The following LRRTM4 variants were observed in gnomAD, a reference collection of about 807,000 sequenced individuals.
LRRTM4 encodes the protein leucine-rich repeat transmembrane neuronal protein 4.
Under a neutral mutation model 47.6 loss-of-function variants are expected in LRRTM4, and 25 were observed. The ratio of observed to expected loss-of-function variants is 0.53; its 90% CI spans 0.38 to 0.73. The LOEUF (loss-of-function observed/expected upper bound fraction) is 0.73, where lower values mean the gene tolerates loss of function less well. Among genes scored for constraint, LRRTM4 ranks in the 30% least tolerant of loss-of-function variants. The probability of loss-of-function intolerance (pLI) is 0.00; values close to 1 mark genes in which losing one functional copy is unlikely to be tolerated. For synonymous variants in LRRTM4, 311 were observed against 269.5 expected (o/e 1.15, Z -1.51); for missense variants, 638 against 713.4 (o/e 0.89, Z 1.20).
chr2:77,280,945 C>T (rs1396794837), intron 3 of LRRTM4, among the ~76,000 whole-genome samples: 1 of 151,790 alleles, frequency 6.6e-6, no homozygotes, highest in Non-Finnish European at 1.5e-5. Flanking sequence ...TAAATCCATC[C>T]CCTGTCTGTA....
At chr2:76,985,666 C>T (rs1392390381) in intron 3 of LRRTM4, among the ~76,000 whole-genome samples, 10 of 151,930 alleles carry the variant, frequency 6.6e-5, no homozygotes, top group Non-Finnish European at 7.4e-5. Flanking sequence ...AAGTTAGAGG[C>T]TTCTGACTAA....
chr2:77,029,638 C>A (rs539823788), intron 3 of LRRTM4, among the ~76,000 whole-genome samples: 1 of 151,978 alleles, frequency 6.6e-6, no homozygotes, highest in African/African-American at 2.4e-5. Flanking sequence ...AGATGAATGT[C>A]AGAAATGAAA....
At chr2:77,352,614 T>C (rs1277976221) in intron 3 of LRRTM4, among the ~76,000 whole-genome samples, 1 of 152,110 alleles carries the variant, frequency 6.6e-6, no homozygotes, top group Non-Finnish European at 1.5e-5. Flanking sequence ...ACCTATATTT[T>C]AATGTGAGTT....
intron 3 of LRRTM4, among the ~76,000 whole-genome samples, chr2:76,752,429 C>T (rs1672881258): frequency 6.6e-6 from 1 of 152,136 alleles, no homozygotes; most frequent in Admixed American, 6.6e-5. Flanking sequence ...TTTGCTATTA[C>T]AATTGCAGTT....
chr2:76,998,763 T>C (rs990340217), intron 3 of LRRTM4, among the ~76,000 whole-genome samples: 13 of 144,862 alleles, frequency 9.0e-5, no homozygotes, highest in African/African-American at 3.4e-4. Flanking sequence ...TTCCTCTATA[T>C]TTTCTGTTTT....
At chr2:77,436,159 C>T (rs886448205) in intron 3 of LRRTM4, among the ~76,000 whole-genome samples, 14 of 152,072 alleles carry the variant, frequency 9.2e-5, no homozygotes, top group African/African-American at 3.1e-4. Context: ...ATTGATAAAA[C>T]ATGCTGCATA....
intron 3 of LRRTM4, among the ~76,000 whole-genome samples, chr2:77,408,154 A>G (rs1674284112): frequency 6.6e-6 from 1 of 152,152 alleles, no homozygotes; most frequent in Non-Finnish European, 1.5e-5. Flanking sequence ...TGGCACAGAT[A>G]CTTTCCATTC....
chr2:77,521,938 C>G (rs1216347223), intron 1 of LRRTM4, 120 bp from the exon 2 acceptor site: 3 of 532,874 alleles, frequency 5.6e-6, no homozygotes, highest in Non-Finnish European at 1.0e-5. Context: ...AAAAGGAAGC[C>G]GTTGGGGGGA....
chr2:76,887,590 TATA>T (rs888227830), intron 3 of LRRTM4, among the ~76,000 whole-genome samples: 2 of 148,482 alleles, frequency 1.3e-5, no homozygotes, highest in African/African-American at 2.5e-5. Flanking sequence ...TACAAACAGA[TATA>T]ATATATACAC....
chr2:76,984,051 TCAC>T (rs1415132178), intron 3 of LRRTM4, among the ~76,000 whole-genome samples: 1 of 152,134 alleles, frequency 6.6e-6, no homozygotes, highest in African/African-American at 2.4e-5. Flanking sequence ...GAATGAAGAT[TCAC>T]CACATGGTTA....
chr2:77,304,641 G>A (rs1677225343), intron 3 of LRRTM4, among the ~76,000 whole-genome samples: 2 of 152,092 alleles, frequency 1.3e-5, no homozygotes, highest in Admixed American at 6.6e-5. Context: ...TCAGTTATGT[G>A]TACTAATGCC....
At chr2:77,370,278 G>A (rs1471765724) in intron 3 of LRRTM4, among the ~76,000 whole-genome samples, 1 of 151,514 alleles carries the variant, frequency 6.6e-6, no homozygotes, top group African/African-American at 2.4e-5. Context: ...ACTCATGCCT[G>A]GAAAGAATCA....
intron 3 of LRRTM4, among the ~76,000 whole-genome samples, chr2:76,831,848 G>A (rs1281890430): frequency 1.3e-5 from 2 of 151,946 alleles, no homozygotes; most frequent in African/African-American, 4.8e-5. Context: ...TTGTGCAGAA[G>A]GAAATATAAT....
chr2:77,493,215 A>G (rs1678236801), intron 3 of LRRTM4, among the ~76,000 whole-genome samples: 1 of 152,112 alleles, frequency 6.6e-6, no homozygotes, highest in Non-Finnish European at 1.5e-5. Context: ...AAATTTTAAA[A>G]ACTAAAATTT....
At chr2:77,314,075 A>T (rs1186312401) in intron 3 of LRRTM4, among the ~76,000 whole-genome samples, 1 of 152,176 alleles carries the variant, frequency 6.6e-6, no homozygotes, top group African/African-American at 2.4e-5. Context: ...TTTTTAGAGG[A>T]TGTCTAGATT....
intron 3 of LRRTM4, among the ~76,000 whole-genome samples, chr2:77,485,246 G>T (rs1677862594): frequency 6.6e-6 from 1 of 151,994 alleles, no homozygotes; most frequent in African/African-American, 2.4e-5. Context: ...TTAAAAGTAG[G>T]TCATATAATC....
chr2:76,802,047 T>C (rs1399942208), intron 3 of LRRTM4, among the ~76,000 whole-genome samples: 1 of 152,150 alleles, frequency 6.6e-6, no homozygotes, highest in African/African-American at 2.4e-5. Flanking sequence ...AAGCTTTTCC[T>C]CTAAAACCAG....
intron 3 of LRRTM4, among the ~76,000 whole-genome samples, chr2:76,804,186 C>G (rs1159156413): frequency 6.6e-6 from 1 of 152,090 alleles, no homozygotes; most frequent in Non-Finnish European, 1.5e-5. Context: ...TGGAGATGGT[C>G]TTGGGCACCC....
chr2:77,027,651 A>T (rs1289402173), intron 3 of LRRTM4, among the ~76,000 whole-genome samples: 1 of 152,332 alleles, frequency 6.6e-6, no homozygotes, highest in African/African-American at 2.4e-5. Flanking sequence ...AGAGCCTTCT[A>T]AACAACTGTA....
Sources: allele counts gnomAD v4.1 joint callset (sites outside exome capture counted in the v4.1 genomes callset), GRCh38; gene constraint gnomAD v4.1.1; transcripts MANE v1.5; gene names NCBI Gene and HGNC (gene_info 2026-07-23, HGNC 2026-07-21).